The following MPLKIP variants were observed in gnomAD, a reference collection of about 807,000 sequenced individuals.
MPLKIP encodes M-phase specific PLK1 interacting protein.
Under a neutral mutation model 16.9 loss-of-function variants are expected in MPLKIP, and 16 were observed. That is an observed-to-expected ratio of 0.94 (90% CI 0.64 to 1.43). MPLKIP has a LOEUF of 1.43. Ranked by LOEUF, MPLKIP falls within the 40% of genes most tolerant of loss-of-function variation. The pLI, the probability that MPLKIP is intolerant of heterozygous loss-of-function variation, is 0.00. For synonymous variants in MPLKIP, 126 were observed against 98.4 expected (o/e 1.28, Z -1.66); for missense variants, 282 against 237.6 (o/e 1.19, Z -1.23).
intron 1 of MPLKIP, among the ~76,000 whole-genome samples, chr7:40,133,886 T>TAAAAAAAAAA (rs34937720): frequency 1.0e-4 from 11 of 105,528 alleles, no homozygotes; most frequent in East Asian, 4.2e-4. Context: ...GAAAGAAAGA[T>TAAAAAAAAAA]AAAAAAAAAA....
At position 40,132,033 on chromosome 7, in the gene MPLKIP, T is replaced by G. The variant is rs1465998171; in HGVS notation, c.*1026A>C. 6.6e-6 allele frequency: 1 copy of G among 152,118 alleles called. No individual in the cohort carries two copies. Among genetic ancestry groups the G allele is most frequent in the African/African-American group, 2.4e-5 (1 of 41,420 alleles). The allele number at this position is 152,118 out of a possible 1,614,324, so 9.4% of individuals were successfully genotyped here. A position where few individuals can be genotyped will look rare whatever the true frequency, so the allele number is the denominator to read the frequency against. On this transcript the variant is annotated 3_prime_UTR_variant, in exon 2 of 2. Transcript: ENST00000306984. ...AAAAAACAAACAAAAAACCACTTGA[T>G]TTTTAAAAAATAGTTGGGGTAACAA...
rs1223732464 is a variant in MPLKIP at position 40,134,298 on chromosome 7, G to A, written c.270C>T (p.Tyr90=). 3 of 1,558,558 alleles carry A rather than the reference G, an allele frequency of 1.9e-6. No individual in the cohort carries two copies. Among genetic ancestry groups the A allele is most frequent in the Admixed American group, 1.9e-5 (1 of 51,898 alleles). The change falls in exon 1 of 2, where the codon TAC becomes TAT. Residue 90 remains tyrosine (Y), a synonymous_variant. Coordinates refer to ENST00000306984, the MANE Select transcript of MPLKIP (RefSeq NM_138701.4). ...GCTGGGACCCCGCGGGGGACCTGGA[G>A]TAGGAGCCAGGGTAGCCGCCAGGGG... ...SPSPGGYPGS[Y]SRSPAGSQQQ...
At chr7:40,133,646 C>G (rs973245298) in intron 1 of MPLKIP, among the ~76,000 whole-genome samples, 1 of 152,056 alleles carries the variant, frequency 6.6e-6, no homozygotes. Flanking sequence ...CTTTCTAGCT[C>G]ATGAACATTT....
intron 1 of MPLKIP, among the ~76,000 whole-genome samples, chr7:40,133,888 A>T (rs956427963): frequency 8.4e-6 from 1 of 119,692 alleles, no homozygotes; most frequent in African/African-American, 3.5e-5. Flanking sequence ...AAGAAAGATA[A>T]AAAAAAAAAA....
Position 40,134,238 on chromosome 7 carries a change from G to A in MPLKIP, c.330C>T (p.Thr110=). ...TGGCTATTATTATTACCTGGGGGTG[G>A]GTCTGCTGCTGCCCTGGGGAGTAGC... ...QFGYSPGQQQ[T]HPQGSPRTST... The change falls in exon 1 of 2, where the codon ACC becomes ACT. Residue 110 remains threonine, a synonymous_variant. Coordinates refer to ENST00000306984, the MANE Select transcript of MPLKIP (RefSeq NM_138701.4). 1.2e-5 allele frequency: 18 copies of A among 1,555,704 alleles called. No homozygotes were observed. Among genetic ancestry groups the A allele is most frequent in the Non-Finnish European group, 1.6e-5 (18 of 1,149,508 alleles).
chr7:40,133,317 T>C (rs1787499503), intron 1 of MPLKIP, 58 bp from the exon 2 acceptor site: 4 of 1,470,446 alleles, frequency 2.7e-6, no homozygotes, highest in Non-Finnish European at 2.8e-6. Flanking sequence ...TACTTCTTCC[T>C]TTAGCTAAAG....
chr7:40,133,936 G>T (rs909195099), intron 1 of MPLKIP, among the ~76,000 whole-genome samples: 6 of 151,248 alleles, frequency 4.0e-5, no homozygotes, highest in African/African-American at 1.5e-4. Flanking sequence ...AAACAAACTG[G>T]CAAGGCCTTT....
chr7:40,133,039 C>T lies in MPLKIP; in HGVS notation c.*20G>A. 4.4e-6 allele frequency: 7 copies of T among 1,606,160 alleles called. No homozygotes were observed. Among genetic ancestry groups the T allele is most frequent in the Non-Finnish European group, 6.0e-6 (7 of 1,173,216 alleles). ...AAGATGTTCCTGACACATGAAGCTTCCAGTTGAATTTCAGAAATGTTAACA... is the reference window on the plus strand; with the variant it reads ...AAGATGTTCCTGACACATGAAGCTTTCAGTTGAATTTCAGAAATGTTAACA... On this transcript the variant is annotated 3_prime_UTR_variant, in exon 2 of 2. Coordinates refer to ENST00000306984, the MANE Select transcript of MPLKIP (RefSeq NM_138701.4).
In MPLKIP at chr7:40,132,554, G is replaced by C. The variant is rs2150559714; in HGVS notation, c.*505C>G. 1 of 175,448 alleles carries C rather than the reference G, an allele frequency of 5.7e-6. No individual in the cohort carries two copies. Among genetic ancestry groups the C allele is most frequent in the African/African-American group, 2.4e-5 (1 of 41,694 alleles). The allele number at this position is 175,448 out of a possible 1,614,324, so 10.9% of individuals were successfully genotyped here. A position where few individuals can be genotyped will look rare whatever the true frequency, so the allele number is the denominator to read the frequency against. ...CAGAAGCATTAGATAAAATGAGTAT[G>C]AACAGAACTCTGTTATTCTCATCCT... is the stretch of plus-strand genomic sequence containing the variant. On this transcript the variant is annotated 3_prime_UTR_variant, in exon 2 of 2. Coordinates refer to ENST00000306984, the MANE Select transcript of MPLKIP (RefSeq NM_138701.4).
rs182870368 is a variant in MPLKIP, at chr7:40,133,043, T to C, written c.*16A>G. Reference sequence around the variant, plus strand: ...TGTTCCTGACACATGAAGCTTCCAGTTGAATTTCAGAAATGTTAACAAAAG... The same window carrying C: ...TGTTCCTGACACATGAAGCTTCCAGCTGAATTTCAGAAATGTTAACAAAAG... On this transcript the variant is annotated 3_prime_UTR_variant, in exon 2 of 2. Transcript: ENST00000306984. 198 of 1,610,688 alleles carry C rather than the reference T, an allele frequency of 1.2e-4. No individual in the cohort carries two copies. The highest frequency in any genetic ancestry group is 4.7e-4 in the East Asian group (21 of 44,820).
Position 40,130,884 on chromosome 7 carries a change from G to C in MPLKIP, c.*2175C>G, listed in dbSNP as rs1055635958. 2.6e-5 allele frequency: 4 copies of C among 152,054 alleles called. No homozygotes were observed. Among genetic ancestry groups the C allele is most frequent in the Admixed American group, 2.6e-4 (4 of 15,266 alleles). 9.4% of individuals were successfully genotyped at this position (152,054 alleles called of 1,614,324 possible). A position where few individuals can be genotyped will look rare whatever the true frequency, so the allele number is the denominator to read the frequency against. On this transcript the variant is annotated 3_prime_UTR_variant, in exon 2 of 2. Coordinates refer to ENST00000306984, the MANE Select transcript of MPLKIP (RefSeq NM_138701.4). ...AGGGTGTAGGTAGAACAATATAGTA[G>C]TTACAATCAGAATTTCTACATCCAT...
Position 40,129,441 on chromosome 7 carries a change from G to A in MPLKIP, c.*3618C>T, listed in dbSNP as rs1787433145. On this transcript the variant is annotated 3_prime_UTR_variant, in exon 2 of 2. Coordinates refer to ENST00000306984, the MANE Select transcript of MPLKIP (RefSeq NM_138701.4). ...CCAGCTTATTTTTGTGTTTTTAGTG[G>A]AGACGAGGCTTTACCATATTGGCCA... 1 of 151,838 alleles carries A rather than the reference G, an allele frequency of 6.6e-6. No homozygotes were observed. Among genetic ancestry groups the A allele is most frequent in the Non-Finnish European group, 1.5e-5 (1 of 67,984 alleles). 9.4% of individuals were successfully genotyped at this position (151,838 alleles called of 1,614,324 possible).
chr7:40,134,256 G>A lies in MPLKIP; in HGVS notation c.312C>T (p.Ser104=). The A allele has an allele frequency of 6.4e-7, 1 of 1,559,786 alleles. No individual in the cohort carries two copies. The highest frequency in any genetic ancestry group is 8.7e-7 in the Non-Finnish European group (1 of 1,151,778). ...GGGGGTGGGTCTGCTGCTGCCCTGG[G>A]GAGTAGCCGAATTGCTGCTGGGACC... The part of the protein sequence containing the change: ...PAGSQQQFGY[S]PGQQQTHPQG... Residue 104 remains serine (S), a synonymous_variant, in exon 1 of 2, where the codon TCC becomes TCT. Transcript: ENST00000306984.
In MPLKIP at chr7:40,131,335, CAA is replaced by C. The variant is rs1294909688; in HGVS notation, c.*1722_*1723del. The C allele has an allele frequency of 6.6e-6, 1 of 152,044 alleles. No homozygotes were observed. Among genetic ancestry groups the C allele is most frequent in the African/African-American group, 2.4e-5 (1 of 41,354 alleles). 9.4% of individuals were successfully genotyped at this position (152,044 alleles called of 1,614,324 possible). ...ACGTTTCTTTCTGGGAATGTTGAAACAAAAGTTTTACTAGCTCTATCTTCGTA... is the reference window on the plus strand; with the variant it reads ...ACGTTTCTTTCTGGGAATGTTGAAACAAGTTTTACTAGCTCTATCTTCGTA... On this transcript the variant is annotated 3_prime_UTR_variant, in exon 2 of 2. Transcript: ENST00000306984.
In MPLKIP at chr7:40,129,075, TA is replaced by T. The variant is rs1787427997; in HGVS notation, c.*3983del. On this transcript the variant is annotated 3_prime_UTR_variant, in exon 2 of 2. Coordinates refer to ENST00000306984, the MANE Select transcript of MPLKIP (RefSeq NM_138701.4). The stretch of plus-strand genomic sequence containing the variant: ...ATTTGCTTTTTGCCTAAAAATAAGG[TA>T]TCTTTTCCTTCATGTTAAACTCATG... 6.6e-6 allele frequency: 1 copy of T among 152,178 alleles called. No homozygotes were observed. The highest frequency in any genetic ancestry group is 2.1e-4 in the South Asian group (1 of 4,834). The allele number at this position is 152,178 out of a possible 1,614,324, so 9.4% of individuals were successfully genotyped here. A position where few individuals can be genotyped will look rare whatever the true frequency, so the allele number is the denominator to read the frequency against.
rs764948501 is a variant in MPLKIP at position 40,134,599 on chromosome 7, G to A, written c.-32C>T. The A allele has an allele frequency of 7.1e-6, 11 of 1,551,336 alleles. No individual in the cohort carries two copies. The highest frequency in any genetic ancestry group is 9.6e-6 in the Non-Finnish European group (11 of 1,149,924). On this transcript the variant is annotated 5_prime_UTR_variant, in exon 1 of 2. Coordinates refer to ENST00000306984, the MANE Select transcript of MPLKIP (RefSeq NM_138701.4). ...AGCCAAAGCCGAAAACCTCGCAGCC[G>A]CGTTCTCCCACCGGAACTGTATCAA... is the stretch of plus-strand genomic sequence containing the variant.
chr7:40,134,506 CA>C lies in MPLKIP; in HGVS notation c.61del (p.Trp21GlyfsTer132). The C allele has an allele frequency of 1.3e-6, 2 of 1,588,432 alleles. No individual in the cohort carries two copies. Among genetic ancestry groups the C allele is most frequent in the Non-Finnish European group, 8.6e-7 (1 of 1,169,038 alleles). On this transcript the variant is annotated frameshift_variant, in exon 1 of 2. Coordinates refer to ENST00000306984, the MANE Select transcript of MPLKIP (RefSeq NM_138701.4). LOFTEE classifies it high-confidence loss of function. Reference protein sequence around the residue: ...PPYPGPGGGGWGSGSSFRGTP... With the variant: ...PPYPGPGGGGXGSGSSFRGTP... ...TCCCCGGAAGCTGCTTCCGCTACCC[CA>C]ACCTCCTCCACCCGGACCAGGGTAA...
rs1337664363 is a variant in MPLKIP, at chr7:40,132,583, T to C, written c.*476A>G. ...AGAACTCTGTTATTCTCATCCTCATTATTTACGAACAAATACAGAGCTGTC... is the reference window on the plus strand; with the variant it reads ...AGAACTCTGTTATTCTCATCCTCATCATTTACGAACAAATACAGAGCTGTC... On this transcript the variant is annotated 3_prime_UTR_variant, in exon 2 of 2. Coordinates refer to ENST00000306984, the MANE Select transcript of MPLKIP (RefSeq NM_138701.4). 5.2e-6 allele frequency: 1 copy of C among 193,178 alleles called. No homozygotes were observed. The highest frequency in any genetic ancestry group is 8.9e-5 in the South Asian group (1 of 11,176). The allele number at this position is 193,178 out of a possible 1,614,324, so 12.0% of individuals were successfully genotyped here. A position where few individuals can be genotyped will look rare whatever the true frequency, so the allele number is the denominator to read the frequency against.
chr7:40,134,293 C>T lies in MPLKIP; in HGVS notation c.275G>A (p.Arg92Lys). ...SPGGYPGSYSRSPAGSQQQFG... is the reference protein window; with the variant it reads ...SPGGYPGSYSKSPAGSQQQFG... ...TTGCTGCTGGGACCCCGCGGGGGAC[C>T]TGGAGTAGGAGCCAGGGTAGCCGCC... The change falls in exon 1 of 2, where the codon AGG becomes AAG. Residue 92 changes from arginine to lysine, a missense_variant. Arg to Lys is a conservative substitution (Grantham distance 26, BLOSUM62 2). Coordinates refer to ENST00000306984, the MANE Select transcript of MPLKIP (RefSeq NM_138701.4). 1.3e-6 allele frequency: 2 copies of T among 1,559,476 alleles called. No individual in the cohort carries two copies. Among genetic ancestry groups the T allele is most frequent in the African/African-American group, 1.4e-5 (1 of 73,660 alleles).
Sources: gnomAD v4.1 joint callset for allele counts (sites outside exome capture counted in the v4.1 genomes callset) on GRCh38, gnomAD v4.1.1 for gene constraint, MANE v1.5 for transcripts, NCBI Gene and HGNC (gene_info 2026-07-23, HGNC 2026-07-21) for gene names.